The following GRIK4 variants were observed in gnomAD, a reference collection of about 807,000 sequenced individuals.
The protein encoded by GRIK4 is glutamate receptor ionotropic, kainate 4.
GRIK4 carries 40 observed loss-of-function variants against 104.9 expected under a neutral mutation model. The ratio of observed to expected loss-of-function variants is 0.38; its 90% CI spans 0.30 to 0.50. The LOEUF (loss-of-function observed/expected upper bound fraction) is 0.50, where lower values mean the gene tolerates loss of function less well. GRIK4 is among the 20% of genes least tolerant of loss of function. The pLI is 0.93. For missense variants in GRIK4, 1,047 were observed against 1,308.1 expected (o/e 0.80, Z 3.08); for synonymous variants, 485 against 524.9 (o/e 0.92, Z 1.04).
At chr11:120,979,196 T>C (rs1383158766) in intron 19 of GRIK4, among the ~76,000 whole-genome samples, 1 of 152,208 alleles carries the variant, frequency 6.6e-6, no homozygotes, top group Non-Finnish European at 1.5e-5. Context: ...AATGAAGACA[T>C]GTTTAATTAA....
chr11:120,512,210 G>A (rs970678115), intron 1 of GRIK4, among the ~76,000 whole-genome samples: 1 of 151,576 alleles, frequency 6.6e-6, no homozygotes, highest in African/African-American at 2.4e-5. Context: ...CCCTTCCCCG[G>A]GCTCGCGGTC....
At chr11:120,703,924 T>C (rs540897934) in intron 3 of GRIK4, among the ~76,000 whole-genome samples, 1 of 152,286 alleles carries the variant, frequency 6.6e-6, no homozygotes, top group East Asian at 1.9e-4. Context: ...GAATGATGCT[T>C]ACAAAATTGT....
In GRIK4 at chr11:120,634,943, C is replaced by T. The variant is rs1335323536; in HGVS notation, c.-158-18742C>T. On this transcript the variant is annotated intron_variant, in intron 1 of 20. Transcript: ENST00000527524. The stretch of plus-strand genomic sequence containing the variant: ...GCGAGATGCGAACGTCCCCCTTGCA[C>T]CTCAGTTGAGCTTCGCCTTGGCAGC... 3.9e-5 allele frequency among the ~76,000 whole-genome samples: 6 copies of T among 152,296 alleles called. No individual in the cohort carries two copies. The East Asian group carries it at 1.2e-3, about 29-fold the overall frequency.
intron 3 of GRIK4, among the ~76,000 whole-genome samples, chr11:120,711,265 C>G (rs1950731273): frequency 6.6e-6 from 1 of 152,128 alleles, no homozygotes; most frequent in African/African-American, 2.4e-5. Context: ...GTAGAATGAG[C>G]ATTTCAAGAG....
At chr11:120,518,572 C>G (rs546091186) in intron 1 of GRIK4, among the ~76,000 whole-genome samples, 1 of 152,240 alleles carries the variant, frequency 6.6e-6, no homozygotes, top group African/African-American at 2.4e-5. Context: ...AGTGGCAGAG[C>G]TGGATCCAGC....
intron 14 of GRIK4, among the ~76,000 whole-genome samples, chr11:120,948,778 C>T (rs113277940): frequency 1.6e-3 from 246 of 152,330 alleles, no homozygotes; most frequent in African/African-American, 5.3e-3. Flanking sequence ...TCCCCACTCC[C>T]CCTTCACTCA....
chr11:120,730,554 T>A (rs1951109697), intron 3 of GRIK4, among the ~76,000 whole-genome samples: 1 of 150,014 alleles, frequency 6.7e-6, no homozygotes, highest in Admixed American at 6.7e-5. Flanking sequence ...ATTCTGGGTC[T>A]TTTGTGGTTC....
chr11:120,561,350 A>G (rs1487792666), intron 1 of GRIK4, among the ~76,000 whole-genome samples: 1 of 152,200 alleles, frequency 6.6e-6, no homozygotes, highest in African/African-American at 2.4e-5. Flanking sequence ...GGCGCCTGCT[A>G]CTGGGCTTTG....
chr11:120,819,705 T>G lies in GRIK4; in HGVS notation c.346-50T>G. 3 of 1,582,086 alleles carry G rather than the reference T, an allele frequency of 1.9e-6. No homozygotes were observed. Among genetic ancestry groups the G allele is most frequent in the Non-Finnish European group, 2.6e-6 (3 of 1,151,764 alleles). On this transcript the variant is annotated intron_variant, in intron 5 of 20. Coordinates refer to ENST00000527524, the MANE Select transcript of GRIK4 (RefSeq NM_014619.5). The surrounding 1 kb of genome is among the most constrained non-coding windows in gnomAD (Gnocchi z 4.3). Reference sequence around the variant, plus strand: ...AGCTCACTCATCCCTCTTTCTTCCTTTTCACCCACCTGGATCCTCCCTGCT... The same window carrying G: ...AGCTCACTCATCCCTCTTTCTTCCTGTTCACCCACCTGGATCCTCCCTGCT...
At chr11:120,855,564 C>CT (rs10717552) in intron 8 of GRIK4, among the ~76,000 whole-genome samples, 47,447 of 144,972 alleles carry the variant, frequency 0.33, 8,365 homozygotes, top group East Asian at 0.49. Flanking sequence ...CTTATGGTGA[C>CT]TTTTTTTTTT....
chr11:120,553,535 A>C (rs1446775294), intron 1 of GRIK4, among the ~76,000 whole-genome samples: 1 of 152,248 alleles, frequency 6.6e-6, no homozygotes, highest in Non-Finnish European at 1.5e-5. Context: ...CTGAACTTGC[A>C]GGAACTTGAC....
chr11:120,974,055 A>C (rs927216110), intron 19 of GRIK4, among the ~76,000 whole-genome samples: 2 of 151,952 alleles, frequency 1.3e-5, no homozygotes, highest in Admixed American at 6.6e-5. Context: ...TTACAGGCGC[A>C]TGCCACCACA....
At chr11:120,529,905 G>T (rs1044519086) in intron 1 of GRIK4, among the ~76,000 whole-genome samples, 1 of 152,218 alleles carries the variant, frequency 6.6e-6, no homozygotes, top group African/African-American at 2.4e-5. Context: ...GTTCAGAGTG[G>T]TTAAACTGGC....
At chr11:120,825,801 CTG>C (rs1327241393) in intron 6 of GRIK4, among the ~76,000 whole-genome samples, 1 of 152,236 alleles carries the variant, frequency 6.6e-6, no homozygotes, top group Non-Finnish European at 1.5e-5. Context: ...GGGAAAGTAA[CTG>C]GGCCCAGAAC....
At chr11:120,976,564 G>C (rs1944564256) in intron 19 of GRIK4, among the ~76,000 whole-genome samples, 1 of 152,230 alleles carries the variant, frequency 6.6e-6, no homozygotes, top group Admixed American at 6.5e-5. Context: ...AATAGAAAGT[G>C]CTTGAAAGCC....
intron 1 of GRIK4, among the ~76,000 whole-genome samples, chr11:120,561,518 AC>A (rs1948238373): frequency 6.6e-6 from 1 of 152,138 alleles, no homozygotes; most frequent in Non-Finnish European, 1.5e-5. Context: ...AGGGGGGCCT[AC>A]TCGGGGACTC....
rs144619255 is a variant in GRIK4 at position 120,865,298 on chromosome 11, T to C, written c.906+3178T>C. Among the ~76,000 whole-genome samples the C allele has an allele frequency of 2.5e-3, 375 of 152,268 alleles. 1 individual carries two copies. Among genetic ancestry groups the C allele is most frequent in the African/African-American group, 7.0e-3 (292 of 41,550 alleles). On this transcript the variant is annotated intron_variant, in intron 9 of 20. Transcript: ENST00000527524. ...CAAATATATCAGGTAGCTTTTGCTATGTAAATACTGTGTAACAGCCAACTC... is the reference window on the plus strand; with the variant it reads ...CAAATATATCAGGTAGCTTTTGCTACGTAAATACTGTGTAACAGCCAACTC...
At chr11:120,729,157 A>G (rs1939668) in intron 3 of GRIK4, among the ~76,000 whole-genome samples, 112,956 of 152,146 alleles carry the variant, frequency 0.74, 42,278 homozygotes, top group Middle Eastern at 0.84. Context: ...TTATCCATTC[A>G]TCTGTTGACG....
At chr11:120,657,116 T>C (rs966634918) in intron 2 of GRIK4, among the ~76,000 whole-genome samples, 6 of 152,208 alleles carry the variant, frequency 3.9e-5, no homozygotes, top group African/African-American at 1.4e-4. Flanking sequence ...TTTTTCTCCT[T>C]GTTCCACTCA....
Sources: allele counts gnomAD v4.1 joint callset (sites outside exome capture counted in the v4.1 genomes callset), GRCh38; gene constraint gnomAD v4.1.1; non-coding constraint Gnocchi (gnomAD v3.1); transcripts MANE v1.5; gene names NCBI Gene and HGNC (gene_info 2026-07-23, HGNC 2026-07-21).